Variants in PADI4 observed in about 807,000 individuals in gnomAD.
PADI4 encodes protein-arginine deiminase type-4.
PADI4 carries 62 observed loss-of-function variants against 75.0 expected under a neutral mutation model. The observed-to-expected ratio is 0.83, with a 90% CI of 0.67 to 1.02. The LOEUF is 1.02. Ranked by LOEUF, PADI4 falls within the 50% of genes least tolerant of loss-of-function variation. The pLI is 0.00. For missense variants in PADI4, 845 were observed against 850.5 expected (o/e 0.99, Z 0.08); for synonymous variants, 361 against 348.1 (o/e 1.04, Z -0.41).
chr1:17,326,103 A>G, intron 1 of PADI4, among the ~76,000 whole-genome samples: 1 of 149,162 alleles, frequency 6.7e-6, no homozygotes, highest in East Asian at 2.0e-4. Context: ...TATCTACAGA[A>G]AAAAAAAAAT....
chr1:17,330,826 C>T (rs1635598), intron 1 of PADI4, 143 bp from the exon 2 acceptor site: 21,168 of 576,050 alleles, frequency 0.037, 505 homozygotes, highest in Non-Finnish European at 0.047. Flanking sequence ...CACAGATACA[C>T]CCAGAAAAAA....
At chr1:17,355,276 G>A (rs2074740365) in intron 11 of PADI4, among the ~76,000 whole-genome samples, 1 of 152,242 alleles carries the variant, frequency 6.6e-6, no homozygotes, top group Admixed American at 6.5e-5. Flanking sequence ...AAGAGGCTGG[G>A]CACAGTGGCT....
intron 3 of PADI4, chr1:17,334,509 G>A (rs1166958389): frequency 2.2e-6 from 1 of 447,794 alleles, no homozygotes; most frequent in East Asian, 7.0e-5. Flanking sequence ...CACCATGTTG[G>A]CCAGGCTGGT....
intron 10 of PADI4, among the ~76,000 whole-genome samples, chr1:17,354,199 T>C (rs1444420463): frequency 1.3e-5 from 2 of 152,066 alleles, no homozygotes; most frequent in Non-Finnish European, 2.9e-5. Flanking sequence ...GCTGAGATCA[T>C]GCCACGGCCC....
At position 17,308,277 on chromosome 1, in the gene PADI4, T is replaced by G. The variant is rs778157610; in HGVS notation, c.55T>G (p.Cys19Gly). The G allele has an allele frequency of 6.2e-7, 1 of 1,614,122 alleles. No individual in the cohort carries two copies. The highest frequency in any genetic ancestry group is 8.5e-7 in the Non-Finnish European group (1 of 1,180,008). Residue 19 changes from cysteine (C) to glycine (G), a missense_variant, in exon 1 of 16, where the codon TGT becomes GGT. Cys to Gly is a radical substitution (Grantham distance 159, BLOSUM62 -3). Transcript: ENST00000375448. ...VTPEQPTHAV[C>G]VLGTLTQLDI... is the part of the protein sequence containing the mutation. ...CCCAGAGCAGCCCACCCATGCCGTG[T>G]GTGTGCTGGGCACCTTGACTCAGCT...
At chr1:17,323,467 T>C (rs2074065694) in intron 1 of PADI4, among the ~76,000 whole-genome samples, 1 of 152,184 alleles carries the variant, frequency 6.6e-6, no homozygotes, top group African/African-American at 2.4e-5. Flanking sequence ...TCCTGTAGTT[T>C]CCTAATTCTT....
rs1269380163 is a variant in PADI4, at chr1:17,325,550, T to C, written c.93-5419T>C. 6.6e-5 allele frequency among the ~76,000 whole-genome samples: 10 copies of C among 152,258 alleles called. No homozygotes were observed. The East Asian group carries it at 9.6e-4, about 15-fold the overall frequency. On this transcript the variant is annotated intron_variant, in intron 1 of 15. Transcript: ENST00000375448. Reference sequence around the variant, plus strand: ...TTTAAAAAAGTTTAATTCACTCTTTTGGAGTTTGCAGACAACTGTATTTTC... The same window carrying C: ...TTTAAAAAAGTTTAATTCACTCTTTCGGAGTTTGCAGACAACTGTATTTTC...
intron 14 of PADI4, 46 bp from the exon 15 acceptor site, chr1:17,359,234 C>CCCCAGCCCAAA: frequency 2.2e-6 from 2 of 888,912 alleles, no homozygotes; most frequent in Non-Finnish European, 3.5e-6. Flanking sequence ...CCCCCACCCC[C>CCCCAGCCCAAA]GACTGCCATC....
At chr1:17,351,976 TGATGGGAGGAGA>T (rs2074642329) in intron 10 of PADI4, among the ~76,000 whole-genome samples, 7 of 58,876 alleles carry the variant, frequency 1.2e-4, no homozygotes, top group Admixed American at 4.4e-4. Flanking sequence ...GCCAGGGAGG[TGATGGGAGGAGA>T]GGCAGTCAGG....
rs1557575973 is a variant in PADI4, at chr1:17,351,951, GTGGGAGGAGAGGCGGCCAGGGAGGTGA to G, written c.1156-2568_1156-2542del. 3.8e-3 allele frequency among the ~76,000 whole-genome samples: 503 copies of G among 130,660 alleles called. 14 individuals carry two copies. Among genetic ancestry groups the G allele is most frequent in the African/African-American group, 6.4e-3 (214 of 33,698 alleles). 85.7% of individuals were successfully genotyped at this position (130,660 alleles called of 152,430 possible). A position where few individuals can be genotyped will look rare whatever the true frequency, so the allele number is the denominator to read the frequency against. On this transcript the variant is annotated intron_variant, in intron 10 of 15. Transcript: ENST00000375448. The stretch of plus-strand genomic sequence containing the variant: ...GAGGCGGTCAGGGAGGTGATGGGAG[GTGGGAGGAGAGGCGGCCAGGGAGGTGA>G]TGGGAGGAGAGGCAGTCAGGGAGGT...
intron 1 of PADI4, among the ~76,000 whole-genome samples, chr1:17,312,837 T>C (rs2073861066): frequency 6.6e-6 from 1 of 151,554 alleles, no homozygotes; most frequent in African/African-American, 2.4e-5. Flanking sequence ...TGTCGGCAAA[T>C]TGTGAGGGAG....
intron 4 of PADI4, among the ~76,000 whole-genome samples, chr1:17,336,880 C>T (rs959929140): frequency 9.8e-5 from 15 of 152,286 alleles, no homozygotes; most frequent in African/African-American, 3.4e-4. Context: ...GTCCCTGTAT[C>T]CCTCCCGAAA....
intron 11 of PADI4, 29 bp from the exon 12 acceptor site, chr1:17,355,954 A>T: frequency 1.2e-6 from 2 of 1,613,940 alleles, no homozygotes; most frequent in South Asian, 2.2e-5. Flanking sequence ...CTTGCTGCCG[A>T]TAACACCCCT....
At chr1:17,331,499 A>G (rs1053019144) in intron 2 of PADI4, among the ~76,000 whole-genome samples, 2 of 152,232 alleles carry the variant, frequency 1.3e-5, no homozygotes, top group Admixed American at 6.5e-5. Context: ...GTAGCATCAG[A>G]GAATCTACTG....
chr1:17,354,974 G>A (rs761120437), intron 11 of PADI4, among the ~76,000 whole-genome samples: 2 of 152,196 alleles, frequency 1.3e-5, no homozygotes, highest in Non-Finnish European at 2.9e-5. Flanking sequence ...AGAAAGACAA[G>A]TCCTTACCAC....
Position 17,354,649 on chromosome 1 carries a change from G to A in PADI4, c.1272G>A (p.Pro424=), listed in dbSNP as rs35240185. 22,801 of 1,613,252 alleles carry A rather than the reference G, an allele frequency of 0.014. 210 individuals are homozygous for A. Among genetic ancestry groups the A allele is most frequent in the Middle Eastern group, 0.035 (212 of 6,052 alleles). Residue 424 remains proline, a synonymous_variant, in exon 11 of 16, where the codon CCG becomes CCA. Transcript: ENST00000375448. ...PPVTVRGKEY[P]LGRILFGDSC... is the part of the protein sequence containing the mutation. Reference sequence around the variant, plus strand: ...TCACAGTCAGGGGCAAGGAATACCCGCTGGGCAGGATTCTCTTCGGGGACA... The same window carrying A: ...TCACAGTCAGGGGCAAGGAATACCCACTGGGCAGGATTCTCTTCGGGGACA...
chr1:17,309,172 GAAAAAA>G (rs35072789), intron 1 of PADI4, among the ~76,000 whole-genome samples: 1 of 143,726 alleles, frequency 7.0e-6, no homozygotes, highest in Admixed American at 6.9e-5. Flanking sequence ...ATTTTCCCTG[GAAAAAA>G]AAAAAAAAAA....
rs376563881 is a variant in PADI4 at position 17,355,908 on chromosome 1, C to T, written c.1311-75C>T. The T allele has an allele frequency of 1.1e-4, 162 of 1,534,264 alleles. No homozygotes were observed. In the African/African-American group the frequency reaches 1.9e-3, roughly 18 times the overall value. Reference sequence around the variant, plus strand: ...CTGAAGGAGAACCCTGACCTTTTTGCCAAGCCCCTTGTCCTTCAGGGACTT... The same window carrying T: ...CTGAAGGAGAACCCTGACCTTTTTGTCAAGCCCCTTGTCCTTCAGGGACTT... On this transcript the variant is annotated intron_variant, in intron 11 of 15. Coordinates refer to ENST00000375448, the MANE Select transcript of PADI4 (RefSeq NM_012387.3).
chr1:17,336,100 G>T, intron 3 of PADI4, 59 bp from the exon 4 acceptor site: 1 of 1,218,336 alleles, frequency 8.2e-7, no homozygotes, highest in Non-Finnish European at 1.2e-6. Flanking sequence ...TCAGGGCCAG[G>T]CTGGGTGCCC....
Sources: gnomAD v4.1 joint callset for allele counts (sites outside exome capture counted in the v4.1 genomes callset) on GRCh38, gnomAD v4.1.1 for gene constraint, MANE v1.5 for transcripts, NCBI Gene and HGNC (gene_info 2026-07-23, HGNC 2026-07-21) for gene names.